SMARCC1: variants seen among roughly 807,000 people sequenced by gnomAD.
SMARCC1 encodes SWI/SNF related BAF chromatin remodeling complex subunit C1.
In SMARCC1, 43 loss-of-function variants were observed where a neutral mutation model predicts 147.4. The observed-to-expected ratio is 0.29, with a 90% confidence interval of 0.23 to 0.38. The LOEUF (loss-of-function observed/expected upper bound fraction) is 0.38, where lower values mean the gene tolerates loss of function less well. Among genes scored for constraint, SMARCC1 ranks in the 10% least tolerant of loss-of-function variants. The pLI, the probability that SMARCC1 is intolerant of heterozygous loss-of-function variation, is 1.00. For synonymous variants in SMARCC1, 495 were observed against 484.4 expected, an observed-to-expected ratio of 1.02 and a Z score of -0.29; for missense variants, 1,119 against 1,381.1, an observed-to-expected ratio of 0.81 and a Z score of 3.01.
At chr3:47,765,878 G>A (rs1295027378) in intron 2 of SMARCC1, among the ~76,000 whole-genome samples, 3 of 151,926 alleles carry the variant, frequency 2.0e-5, no homozygotes, top group Non-Finnish European at 2.9e-5. Context: ...GATTACAGGC[G>A]CCTGCCACCA....
chr3:47,760,402 C>T (rs1031342254), intron 2 of SMARCC1, among the ~76,000 whole-genome samples: 3 of 152,170 alleles, frequency 2.0e-5, no homozygotes, highest in Non-Finnish European at 2.9e-5. Flanking sequence ...GTGGCTCATG[C>T]CAGTAATCTC....
chr3:47,605,493 CG>C (rs1559623888), intron 26 of SMARCC1, among the ~76,000 whole-genome samples: 2 of 152,244 alleles, frequency 1.3e-5, no homozygotes, highest in East Asian at 3.9e-4. Context: ...CAGATGTGGC[CG>C]GGCATGGTGG....
chr3:47,678,551 T>C (rs1389592671), intron 15 of SMARCC1, among the ~76,000 whole-genome samples: 1 of 152,220 alleles, frequency 6.6e-6, no homozygotes, highest in Non-Finnish European at 1.5e-5. Flanking sequence ...TAATGTGAAG[T>C]AACATAAATT....
intron 5 of SMARCC1, among the ~76,000 whole-genome samples, chr3:47,733,970 CGTGT>C (rs564024219): frequency 2.7e-4 from 40 of 150,186 alleles, no homozygotes; most frequent in Admixed American, 1.0e-3. Flanking sequence ...CATATATGTA[CGTGT>C]GTGTATATAT....
rs376751936 is a variant in SMARCC1, at chr3:47,689,255, C to CA, written c.1263+131dup. 279 of 665,642 alleles carry CA rather than the reference C, an allele frequency of 4.2e-4. 1 individual carries two copies. Among genetic ancestry groups the CA allele is most frequent in the South Asian group, 7.4e-4 (40 of 54,412 alleles). 41.2% of individuals were successfully genotyped at this position (665,642 alleles called of 1,614,324 possible). A position where few individuals can be genotyped will look rare whatever the true frequency, so the allele number is the denominator to read the frequency against. On this transcript the variant is annotated intron_variant, in intron 13 of 27. Transcript: ENST00000254480. Reference sequence around the variant, plus strand: ...TTTTCCTTAGGGGAAAAACTAAAAACAAAAAAAAATTCAAAAACCAGAAGG... The same window carrying CA: ...TTTTCCTTAGGGGAAAAACTAAAAACAAAAAAAAAATTCAAAAACCAGAAGG...
At chr3:47,620,156 C>A (rs1358476106) in intron 25 of SMARCC1, among the ~76,000 whole-genome samples, 1 of 152,114 alleles carries the variant, frequency 6.6e-6, no homozygotes, top group Admixed American at 6.5e-5. Context: ...TTTATCTAGT[C>A]AACTCATTAC....
chr3:47,723,355 G>GTTTTTTT (rs71070218), intron 6 of SMARCC1, among the ~76,000 whole-genome samples: 4 of 106,666 alleles, frequency 3.8e-5, no homozygotes, highest in Admixed American at 1.1e-4. Flanking sequence ...TTTTTGTTGG[G>GTTTTTTT]TTTTTTTTTT....
intron 21 of SMARCC1, among the ~76,000 whole-genome samples, chr3:47,646,145 C>A (rs978623317): frequency 6.6e-6 from 1 of 152,104 alleles, no homozygotes; most frequent in Non-Finnish European, 1.5e-5. Flanking sequence ...CAGAGCAAGA[C>A]CCTGTCTCTA....
intron 1 of SMARCC1, among the ~76,000 whole-genome samples, chr3:47,773,658 T>C (rs2034941349): frequency 6.6e-6 from 1 of 151,540 alleles, no homozygotes; most frequent in Non-Finnish European, 1.5e-5. Flanking sequence ...TGAGACAGAG[T>C]CTTGTTTTTC....
chr3:47,716,372 C>G (rs1372106193), intron 7 of SMARCC1, among the ~76,000 whole-genome samples: 2 of 142,384 alleles, frequency 1.4e-5, no homozygotes, highest in African/African-American at 5.3e-5. Flanking sequence ...GAGCTTAGAT[C>G]GCACCACTGC....
At chr3:47,622,820 C>T (rs1290192621) in intron 24 of SMARCC1, among the ~76,000 whole-genome samples, 1 of 152,134 alleles carries the variant, frequency 6.6e-6, no homozygotes. Flanking sequence ...AAGGGGAAAA[C>T]AATATTTGAT....
chr3:47,632,373 T>A (rs987702607), intron 24 of SMARCC1, among the ~76,000 whole-genome samples: 2 of 151,992 alleles, frequency 1.3e-5, no homozygotes, highest in African/African-American at 4.8e-5. Context: ...CCTGAGCAAA[T>A]GTGATCCTCC....
intron 6 of SMARCC1, among the ~76,000 whole-genome samples, chr3:47,728,649 G>A (rs558003615): frequency 7.5e-4 from 114 of 152,220 alleles, no homozygotes; most frequent in African/African-American, 2.3e-3. Flanking sequence ...GCTCACACCT[G>A]TAAACCCAGC....
At chr3:47,670,567 C>T (rs2033481289) in intron 19 of SMARCC1, 91 bp downstream of exon 19, 1 of 853,522 alleles carries the variant, frequency 1.2e-6, no homozygotes, top group Non-Finnish European at 2.0e-6. Context: ...CTGGGTGACA[C>T]AGCGAGACCC....
intron 22 of SMARCC1, among the ~76,000 whole-genome samples, chr3:47,637,920 A>C (rs2032993252): frequency 6.6e-6 from 1 of 152,092 alleles, no homozygotes; most frequent in Admixed American, 6.6e-5. Flanking sequence ...TTCAATCTTT[A>C]TAGTTCTACC....
At chr3:47,746,851 C>G (rs763785490) in intron 2 of SMARCC1, among the ~76,000 whole-genome samples, 15 of 151,510 alleles carry the variant, frequency 9.9e-5, no homozygotes, top group African/African-American at 1.5e-4. Flanking sequence ...CTGCCTCAGC[C>G]TCCTAAGTAG....
intron 20 of SMARCC1, 106 bp from the exon 21 acceptor site, chr3:47,661,561 T>A: frequency 3.7e-6 from 3 of 805,684 alleles, no homozygotes; most frequent in Non-Finnish European, 5.9e-6. Flanking sequence ...GTCTTAGGTG[T>A]AGCAACCTCT....
At position 47,720,644 on chromosome 3, in the gene SMARCC1, T is replaced by A. The variant is rs1380533237; in HGVS notation, c.716+22A>T. ...CTTTCACAGAAATCTTTATACCAGG[T>A]CTCACAGCATATGAACATTACCTGT... is the stretch of plus-strand genomic sequence containing the variant. On this transcript the variant is annotated intron_variant, in intron 7 of 27. Transcript: ENST00000254480. The A allele has an allele frequency of 9.4e-6, 14 of 1,484,694 alleles. No homozygotes were observed. In the East Asian group the frequency reaches 3.2e-4, roughly 34 times the overall value. The allele number at this position is 1,484,694 out of a possible 1,614,324, so 92.0% of individuals were successfully genotyped here.
At chr3:47,688,131 A>C (rs775691190) in intron 13 of SMARCC1, among the ~76,000 whole-genome samples, 10 of 151,996 alleles carry the variant, frequency 6.6e-5, no homozygotes, top group Non-Finnish European at 1.2e-4. Context: ...GTGGTGGTGC[A>C]TGCCTGTAAT....
Sources: gnomAD v4.1 joint callset for allele counts (sites outside exome capture counted in the v4.1 genomes callset) on GRCh38, gnomAD v4.1.1 for gene constraint, MANE v1.5 for transcripts, NCBI Gene and HGNC (gene_info 2026-07-23, HGNC 2026-07-21) for gene names.